Variants in PEPD observed in about 807,000 individuals in gnomAD.
The protein encoded by PEPD is peptidase D.
A neutral mutation model predicts 60.7 loss-of-function variants in PEPD; 53 were observed. That is an observed-to-expected ratio of 0.87 (90% CI 0.70 to 1.10). The LOEUF (loss-of-function observed/expected upper bound fraction) is 1.10. Ranked by LOEUF, PEPD falls within the 50% of genes least tolerant of loss-of-function variation. The pLI, the probability that PEPD is intolerant of heterozygous loss-of-function variation, is 0.00. For synonymous variants in PEPD, 267 were observed against 284.1 expected (o/e 0.94, Z 0.60); for missense variants, 711 against 711.9 (o/e 1.00, Z 0.01).
intron 12 of PEPD, among the ~76,000 whole-genome samples, chr19:33,400,246 C>T (rs1465514937): frequency 1.3e-5 from 2 of 152,172 alleles, no homozygotes; most frequent in East Asian, 3.9e-4. Flanking sequence ...GATCTCTGAC[C>T]TCGACCCAGA....
At chr19:33,407,310 G>A (rs769844086) in intron 11 of PEPD, among the ~76,000 whole-genome samples, 1 of 152,248 alleles carries the variant, frequency 6.6e-6, no homozygotes, top group Non-Finnish European at 1.5e-5. Context: ...CTCTCTGGGC[G>A]CACTGCTTCC....
chr19:33,392,093 G>A (rs1968236357), intron 12 of PEPD, among the ~76,000 whole-genome samples: 2 of 152,226 alleles, frequency 1.3e-5, no homozygotes, highest in Non-Finnish European at 1.5e-5. Context: ...GGCCCCACGA[G>A]CTGGCTGGCA....
chr19:33,521,772 A>G lies in PEPD; in HGVS notation c.-12T>C, dbSNP rs1252617081. On this transcript the variant is annotated 5_prime_UTR_variant, in exon 1 of 15. Coordinates refer to ENST00000244137, the MANE Select transcript of PEPD (RefSeq NM_000285.4). The stretch of plus-strand genomic sequence containing the variant: ...GTGGCCGCCGCCATGTTCGCCCGGC[A>G]CCGGCGTCACGTGAAGTGCGGCGTC... 1 of 1,562,400 alleles carries G rather than the reference A, an allele frequency of 6.4e-7. No individual in the cohort carries two copies. Among genetic ancestry groups the G allele is most frequent in the Non-Finnish European group, 8.6e-7 (1 of 1,158,776 alleles).
At chr19:33,493,899 G>C (rs527541987) in intron 4 of PEPD, among the ~76,000 whole-genome samples, 1 of 148,586 alleles carries the variant, frequency 6.7e-6, no homozygotes, top group Non-Finnish European at 1.5e-5. Flanking sequence ...GTTACTTCCC[G>C]GCCCAAGCCC....
chr19:33,403,051 C>A (rs947856914), intron 11 of PEPD, among the ~76,000 whole-genome samples: 56 of 152,196 alleles, frequency 3.7e-4, no homozygotes, highest in Non-Finnish European at 1.2e-4. Context: ...GGACAGGATA[C>A]GGGAAGGGCT....
At chr19:33,421,218 G>A (rs1600101923) in intron 9 of PEPD, among the ~76,000 whole-genome samples, 1 of 152,334 alleles carries the variant, frequency 6.6e-6, no homozygotes, top group East Asian at 1.9e-4. Context: ...AGCCAGGAGT[G>A]GAAATGCTGT....
intron 1 of PEPD, among the ~76,000 whole-genome samples, chr19:33,514,169 G>A (rs1970984724): frequency 6.6e-6 from 1 of 152,190 alleles, no homozygotes; most frequent in African/African-American, 2.4e-5. Flanking sequence ...GGGGCAGGGT[G>A]TGCAGGAGGG....
chr19:33,438,035 C>T (rs1178291662), intron 9 of PEPD, among the ~76,000 whole-genome samples: 1 of 152,212 alleles, frequency 6.6e-6, no homozygotes, highest in South Asian at 2.1e-4. Flanking sequence ...AAACAGGAGC[C>T]GGTGCATGAG....
chr19:33,501,540 G>A (rs958989313), intron 3 of PEPD, among the ~76,000 whole-genome samples: 5 of 152,044 alleles, frequency 3.3e-5, no homozygotes, highest in African/African-American at 7.2e-5. Context: ...ATTAGGGCGC[G>A]GTGGCGGGTG....
chr19:33,485,353 T>G (rs1970377317), intron 6 of PEPD, among the ~76,000 whole-genome samples: 1 of 151,830 alleles, frequency 6.6e-6, no homozygotes, highest in African/African-American at 2.4e-5. Flanking sequence ...ATTAGCCACG[T>G]GTGGTGGTGC....
At chr19:33,498,561 A>G (rs1385276667) in intron 4 of PEPD, among the ~76,000 whole-genome samples, 1 of 152,232 alleles carries the variant, frequency 6.6e-6, no homozygotes, top group Admixed American at 6.5e-5. Context: ...AGCTGAGTCC[A>G]GGGCAGAGGC....
chr19:33,400,370 G>C (rs1968460279), intron 12 of PEPD, among the ~76,000 whole-genome samples: 2 of 152,262 alleles, frequency 1.3e-5, no homozygotes, highest in African/African-American at 4.8e-5. Context: ...TGCAGCCCTG[G>C]CCCCAGCCCA....
chr19:33,463,417 C>T (rs573147482), intron 8 of PEPD, among the ~76,000 whole-genome samples: 3 of 152,334 alleles, frequency 2.0e-5, no homozygotes, highest in East Asian at 3.9e-4. Context: ...TCATAAAACA[C>T]GGAGAGCATT....
At chr19:33,446,141 C>G (rs1173429215) in intron 9 of PEPD, among the ~76,000 whole-genome samples, 1 of 152,136 alleles carries the variant, frequency 6.6e-6, no homozygotes, top group African/African-American at 2.4e-5. Context: ...TCCCCGAGTT[C>G]TTCCTGGGAA....
intron 9 of PEPD, among the ~76,000 whole-genome samples, chr19:33,454,249 G>A (rs1969754790): frequency 1.3e-5 from 2 of 152,320 alleles, no homozygotes; most frequent in Admixed American, 1.3e-4. Flanking sequence ...AAGGATTTGA[G>A]CATCACAGAA....
intron 9 of PEPD, among the ~76,000 whole-genome samples, chr19:33,444,206 G>A (rs947087721): frequency 2.6e-5 from 4 of 152,156 alleles, no homozygotes; most frequent in African/African-American, 9.7e-5. Context: ...CGTGCAATAA[G>A]CGCATACACC....
At chr19:33,505,397 C>T (rs751478055) in intron 3 of PEPD, among the ~76,000 whole-genome samples, 1 of 152,082 alleles carries the variant, frequency 6.6e-6, no homozygotes, top group Non-Finnish European at 1.5e-5. Flanking sequence ...CAAGCTTCCT[C>T]ACAGGGGCCA....
chr19:33,399,264 G>A (rs77423258), intron 12 of PEPD, among the ~76,000 whole-genome samples: 2 of 152,140 alleles, frequency 1.3e-5, no homozygotes, highest in Non-Finnish European at 2.9e-5. Context: ...TTATAAGTGT[G>A]AGCCACAGAG....
chr19:33,500,955 CGTCGTCCACGGCATACTTCTCCTTGAA>C lies in PEPD; in HGVS notation c.349_375del (p.Phe117_Asp125del). On this transcript the variant is annotated inframe_deletion, in exon 4 of 15. Coordinates refer to ENST00000244137, the MANE Select transcript of PEPD (RefSeq NM_000285.4). ...CTACCCACCTCATCTACGTACTGGA[CGTCGTCCACGGCATACTTCTCCTTGAA>C]GTGCTCCTTGGAATGGATCCTCAAA... The C allele has an allele frequency of 6.2e-7, 1 of 1,602,722 alleles. No individual in the cohort carries two copies. Among genetic ancestry groups the C allele is most frequent in the East Asian group, 2.2e-5 (1 of 44,788 alleles).
Sources: allele counts gnomAD v4.1 joint callset (sites outside exome capture counted in the v4.1 genomes callset), GRCh38; gene constraint gnomAD v4.1.1; transcripts MANE v1.5; gene names NCBI Gene and HGNC (gene_info 2026-07-23, HGNC 2026-07-21).